The following RNF20 variants were observed in gnomAD, a reference collection of about 807,000 sequenced individuals.
RNF20 encodes the protein ring finger protein 20, also known as E3 ubiquitin-protein ligase BRE1A.
A neutral mutation model predicts 126.2 loss-of-function variants in RNF20; 84 were observed. That is an observed-to-expected ratio of 0.67 (90% confidence interval 0.56 to 0.80). The LOEUF is 0.80. Ranked by LOEUF, RNF20 falls within the 30% of genes least tolerant of loss-of-function variation. The pLI is 0.00. For missense variants in RNF20, 869 were observed against 1,188.2 expected (o/e 0.73, Z 3.95); for synonymous variants, 400 against 414.3 (o/e 0.97, Z 0.42).
At chr9:101,541,333 G>A (rs1033412956) in intron 5 of RNF20, among the ~76,000 whole-genome samples, 2 of 152,192 alleles carry the variant, frequency 1.3e-5, no homozygotes, top group South Asian at 4.1e-4. Context: ...CTCCCAAAGT[G>A]TTAGGATTAC....
At chr9:101,540,747 A>AAAC (rs1827248281) in intron 4 of RNF20, 46 bp from the exon 5 acceptor site, 10 of 1,593,138 alleles carry the variant, frequency 6.3e-6, no homozygotes, top group Non-Finnish European at 8.5e-6. Context: ...TGTTATTTCC[A>AAAC]GTTTATAATT....
At chr9:101,554,908 C>T in intron 15 of RNF20, 65 bp downstream of exon 15, 13 of 1,277,512 alleles carry the variant, frequency 1.0e-5, no homozygotes, top group Non-Finnish European at 1.3e-5. Context: ...AAGTTATTGC[C>T]AGTGAAATTT....
At position 101,552,547 on chromosome 9, in the gene RNF20, T is replaced by C. The variant is rs377060641; in HGVS notation, c.1695T>C (p.Asp565=). The change falls in exon 13 of 20, where the codon GAT becomes GAC. Residue 565 remains aspartate, a synonymous_variant. Coordinates refer to ENST00000389120, the MANE Select transcript of RNF20 (RefSeq NM_019592.7). ...EDANEIKSKR[D]EEERERERRE... Reference sequence around the variant, plus strand: ...CCAATGAAATCAAGTCTAAACGGGATGAAGAAGAACGAGAACGAGAAAGGA... The same window carrying C: ...CCAATGAAATCAAGTCTAAACGGGACGAAGAAGAACGAGAACGAGAAAGGA... 239 of 1,612,376 alleles carry C rather than the reference T, an allele frequency of 1.5e-4. 3 individuals carry two copies. The Middle Eastern group carries it at 5.4e-3, about 37-fold the overall frequency.
intron 9 of RNF20, among the ~76,000 whole-genome samples, chr9:101,548,799 G>T (rs1448670505): frequency 1.3e-5 from 2 of 152,120 alleles, no homozygotes; most frequent in South Asian, 4.1e-4. Flanking sequence ...GAGAAGTAGG[G>T]TAAACTAGGG....
chr9:101,535,887 T>G (rs1408772213), intron 2 of RNF20, among the ~76,000 whole-genome samples: 1 of 152,226 alleles, frequency 6.6e-6, no homozygotes. Flanking sequence ...AGAGACAGTT[T>G]AGCAATCATT....
In RNF20 at chr9:101,552,220, A is replaced by T. The variant is rs1315402016; in HGVS notation, c.1488A>T (p.Arg496Ser). ...HNHQLKGEVL[R>S]YKRKLREAQS... ...ACCAGCTGAAAGGGGAGGTCCTGAG[A>T]TATAAGCGGAAATTGAGAGAAGCCC... Residue 496 changes from arginine (R) to serine (S), a missense_variant, in exon 12 of 20, where the codon AGA becomes AGT. By Grantham distance (110) the Arg-to-Ser change is moderately radical. This residue lies in a region of RNF20 where 231 missense variants were observed against 263.6 expected (regional missense o/e 0.88). Transcript: ENST00000389120. 1.9e-6 allele frequency: 3 copies of T among 1,614,170 alleles called. No individual in the cohort carries two copies. The highest frequency in any genetic ancestry group is 2.5e-6 in the Non-Finnish European group (3 of 1,180,020).
chr9:101,546,745 A>T, intron 6 of RNF20, 75 bp from the exon 7 acceptor site: 1 of 1,494,046 alleles, frequency 6.7e-7, no homozygotes, highest in East Asian at 2.3e-5. Context: ...ATAATTACTC[A>T]TAAGCAAGGG....
At chr9:101,536,823 A>G (rs568171746) in intron 2 of RNF20, among the ~76,000 whole-genome samples, 3 of 152,184 alleles carry the variant, frequency 2.0e-5, no homozygotes, top group Non-Finnish European at 4.4e-5. Flanking sequence ...GATAGTCTTA[A>G]GTAGGAGACT....
intron 2 of RNF20, 117 bp from the exon 3 acceptor site, chr9:101,540,086 A>G: frequency 1.0e-6 from 1 of 988,184 alleles, no homozygotes; most frequent in Admixed American, 2.8e-5. Context: ...AGATTTTTTA[A>G]AAGTCAATAG....
intron 5 of RNF20, among the ~76,000 whole-genome samples, chr9:101,541,402 C>G (rs1265082238): frequency 2.0e-5 from 3 of 152,194 alleles, no homozygotes; most frequent in Non-Finnish European, 4.4e-5. Flanking sequence ...AAATTCTAAC[C>G]TTCAGTGTTA....
chr9:101,533,902 T>G lies in RNF20; in HGVS notation c.-39T>G, dbSNP rs1445217771. 1 of 152,380 alleles carries G rather than the reference T, an allele frequency of 6.6e-6. No homozygotes were observed. Among genetic ancestry groups the G allele is most frequent in the Non-Finnish European group, 1.5e-5 (1 of 68,186 alleles). 9.4% of individuals were successfully genotyped at this position (152,380 alleles called of 1,614,324 possible). On this transcript the variant is annotated 5_prime_UTR_variant, in exon 1 of 20. Coordinates refer to ENST00000389120, the MANE Select transcript of RNF20 (RefSeq NM_019592.7). ...GGTCAGGGGTGAGAGCTGGAATCTC[T>G]GCACGGGCCTTGGTGAGTAACTGCT...
rs560299852 is a variant in RNF20, at chr9:101,561,422, A to G, written c.2649+192A>G. 4.0e-5 allele frequency: 22 copies of G among 552,910 alleles called. No homozygotes were observed. In the Admixed American group the frequency reaches 5.8e-4, roughly 14 times the overall value. 34.3% of individuals were successfully genotyped at this position (552,910 alleles called of 1,614,324 possible). A position where few individuals can be genotyped will look rare whatever the true frequency, so the allele number is the denominator to read the frequency against. ...GACTCTTTTATGGTGCCTTGCACCT[A>G]GTAGGCACAAAATAAATATTTGTTA... is the stretch of plus-strand genomic sequence containing the variant. On this transcript the variant is annotated intron_variant, in intron 18 of 19. Coordinates refer to ENST00000389120, the MANE Select transcript of RNF20 (RefSeq NM_019592.7).
At position 101,540,955 on chromosome 9, in the gene RNF20, C is replaced by T. The variant is rs771973871; in HGVS notation, c.608C>T (p.Ser203Phe). The T allele has an allele frequency of 1.9e-6, 3 of 1,613,910 alleles. No individual in the cohort carries two copies. Among genetic ancestry groups the T allele is most frequent in the South Asian group, 2.2e-5 (2 of 91,082 alleles). The part of the protein sequence containing the change: ...DKLQEKVELL[S>F]RKLNSGDNLI... ...TTGCAAGAAAAAGTGGAGCTCTTAT[C>T]CCGGAAGCTAAACAGTGGAGGTGAG... Residue 203 changes from serine to phenylalanine, a missense_variant, in exon 5 of 20, where the codon TCC becomes TTC. By Grantham distance (155) the Ser-to-Phe change is radical. Around this residue, in one of 8 missense-constraint regions of RNF20, gnomAD observed 103 missense variants for 94.3 expected, o/e 1.09. Coordinates refer to ENST00000389120, the MANE Select transcript of RNF20 (RefSeq NM_019592.7).
At chr9:101,535,097 C>G (rs974804349) in intron 1 of RNF20, among the ~76,000 whole-genome samples, 1 of 151,820 alleles carries the variant, frequency 6.6e-6, no homozygotes, top group Non-Finnish European at 1.5e-5. Context: ...TTAGTAGAGA[C>G]GGGGTTTCAC....
Position 101,546,965 on chromosome 9 carries a change from G to A in RNF20, c.893G>A (p.Arg298Gln), listed in dbSNP as rs1827357809. Residue 298 changes from arginine (R) to glutamine (Q), a missense_variant and splice_region_variant, in exon 7 of 20, where the codon CGG (arginine) becomes CAG (glutamine). This residue lies in a region of RNF20 where 153 missense variants were observed against 226.4 expected (regional missense o/e 0.68). Coordinates refer to ENST00000389120, the MANE Select transcript of RNF20 (RefSeq NM_019592.7). The stretch of plus-strand genomic sequence containing the variant: ...CGACACTTAGCAGAAGTCCTAGAAC[G>A]GGTCAGTGCTGTTTTATGGCTTGGA... ...LNRHLAEVLE[R>Q]VNSKGYKVYG... The A allele has an allele frequency of 6.2e-7, 1 of 1,613,894 alleles. No individual in the cohort carries two copies. The highest frequency in any genetic ancestry group is 8.5e-7 in the Non-Finnish European group (1 of 1,179,962).
rs1303720564 is a variant in RNF20, at chr9:101,546,951, A to G, written c.879A>G (p.Ala293=). 4 of 1,614,166 alleles carry G rather than the reference A, an allele frequency of 2.5e-6. No homozygotes were observed. The highest frequency in any genetic ancestry group is 1.1e-5 in the South Asian group (1 of 91,080). ...AACAGCGACTCAACCGACACTTAGC[A>G]GAAGTCCTAGAACGGGTCAGTGCTG... The part of the protein sequence containing the change: ...KREQRLNRHL[A]EVLERVNSKG... Residue 293 remains alanine, a synonymous_variant, in exon 7 of 20, where the codon GCA becomes GCG. Transcript: ENST00000389120.
chr9:101,543,592 G>A (rs1827297638), intron 5 of RNF20, among the ~76,000 whole-genome samples: 1 of 151,364 alleles, frequency 6.6e-6, no homozygotes, highest in Admixed American at 6.7e-5. Context: ...GAGCGGCACT[G>A]TCTAACCCTG....
intron 18 of RNF20, 77 bp from the exon 19 acceptor site, chr9:101,561,833 A>T: frequency 1.0e-6 from 1 of 970,556 alleles, no homozygotes. Flanking sequence ...TCACAACAGA[A>T]AACTCAAGTC....
intron 9 of RNF20, 125 bp downstream of exon 9, chr9:101,547,643 T>C (rs1190765313): frequency 6.2e-6 from 7 of 1,137,098 alleles, no homozygotes; most frequent in Non-Finnish European, 1.2e-6. Context: ...CCAACATCCT[T>C]TTATGATAAA....
Sources: gnomAD v4.1 joint callset for allele counts (sites outside exome capture counted in the v4.1 genomes callset) on GRCh38, gnomAD v4.1.1 for gene constraint, gnomAD v4.1.1 regional missense constraint, MANE v1.5 for transcripts, NCBI Gene and HGNC (gene_info 2026-07-23, HGNC 2026-07-21) for gene names.